ATP8B4: variants seen among roughly 807,000 people sequenced by gnomAD.
ATP8B4 encodes the protein ATPase phospholipid transporting 8B4 (putative).
Under a neutral mutation model 145.6 loss-of-function variants are expected in ATP8B4, and 133 were observed. The ratio of observed to expected loss-of-function variants is 0.91; its 90% confidence interval spans 0.79 to 1.05. The LOEUF (loss-of-function observed/expected upper bound fraction) is 1.05. Ranked by LOEUF, ATP8B4 falls within the 50% of genes least tolerant of loss-of-function variation. The pLI is 0.00. For synonymous variants in ATP8B4, 507 were observed against 492.9 expected, an observed-to-expected ratio of 1.03 and a Z score of -0.38; for missense variants, 1,458 against 1,425.2, an observed-to-expected ratio of 1.02 and a Z score of -0.37.
In ATP8B4 at chr15:49,934,059, G is replaced by A; in HGVS notation, c.1411C>T (p.Leu471Phe). 1.9e-6 allele frequency: 3 copies of A among 1,612,536 alleles called. No homozygotes were observed. The highest frequency in any genetic ancestry group is 2.5e-6 in the Non-Finnish European group (3 of 1,179,062). Residue 471 changes from leucine (L) to phenylalanine (F), a missense_variant, in exon 15 of 28, where the codon CTT becomes TTT. Leu to Phe is a conservative substitution (Grantham distance 22, BLOSUM62 0). Transcript: ENST00000284509. Reference protein sequence around the residue: ...DPKVHEFLRLLALCHTVMSEE... With the variant: ...DPKVHEFLRLFALCHTVMSEE... Reference sequence around the variant, plus strand: ...GACATTACAGTGTGGCAGAGAGCAAGTAACCTAAGGAATTCATGAACTTTG... The same window carrying A: ...GACATTACAGTGTGGCAGAGAGCAAATAACCTAAGGAATTCATGAACTTTG...
chr15:50,145,648 C>T (rs868383012), intron 1 of ATP8B4, among the ~76,000 whole-genome samples: 14 of 152,146 alleles, frequency 9.2e-5, no homozygotes, highest in South Asian at 2.1e-4. Flanking sequence ...ACTCTCTTCA[C>T]CGCCACTCTC....
intron 6 of ATP8B4, among the ~76,000 whole-genome samples, chr15:50,030,968 C>T (rs1224585842): frequency 6.6e-6 from 1 of 152,174 alleles, no homozygotes; most frequent in Non-Finnish European, 1.5e-5. Flanking sequence ...GAAACCAGCC[C>T]ATTGGCAAAG....
At chr15:49,980,353 T>C (rs924093491) in intron 11 of ATP8B4, among the ~76,000 whole-genome samples, 1 of 152,152 alleles carries the variant, frequency 6.6e-6, no homozygotes, top group Non-Finnish European at 1.5e-5. Context: ...ATAGGGTACA[T>C]GGGAAAACAT....
chr15:49,982,133 A>T (rs920026182), intron 10 of ATP8B4, among the ~76,000 whole-genome samples: 2 of 152,170 alleles, frequency 1.3e-5, no homozygotes, highest in Non-Finnish European at 2.9e-5. Context: ...GCCATTTAAT[A>T]TAGGAGAAAG....
intron 4 of ATP8B4, among the ~76,000 whole-genome samples, chr15:50,045,477 T>C (rs756033975): frequency 2.0e-5 from 3 of 152,122 alleles, no homozygotes; most frequent in Non-Finnish European, 4.4e-5. Context: ...TGGGATTCAT[T>C]TGAAAATCTG....
intron 15 of ATP8B4, among the ~76,000 whole-genome samples, chr15:49,932,321 C>T (rs1703863396): frequency 1.3e-5 from 2 of 151,770 alleles, no homozygotes; most frequent in African/African-American, 2.4e-5. Flanking sequence ...CAGTGGTTAC[C>T]TCTGTAGGGG....
chr15:50,029,645 C>T (rs79821124), intron 6 of ATP8B4, among the ~76,000 whole-genome samples: 5,467 of 152,150 alleles, frequency 0.036, 344 homozygotes, highest in African/African-American at 0.13. Context: ...ACTATTCAAC[C>T]ATGACAGTAG....
intron 20 of ATP8B4, chr15:49,902,166 G>T (rs917719235): frequency 8.3e-5 from 13 of 155,858 alleles, no homozygotes; most frequent in African/African-American, 3.1e-4. Flanking sequence ...CTTCAACCAC[G>T]ACCAGAGAAC....
At chr15:49,990,212 A>C (rs1025227814) in intron 9 of ATP8B4, among the ~76,000 whole-genome samples, 1 of 152,186 alleles carries the variant, frequency 6.6e-6, no homozygotes, top group Admixed American at 6.5e-5. Context: ...GCCATGAAGC[A>C]TAACAAGGAT....
At chr15:50,117,054 A>G (rs1595614631) in intron 1 of ATP8B4, among the ~76,000 whole-genome samples, 1 of 150,970 alleles carries the variant, frequency 6.6e-6, no homozygotes. Flanking sequence ...TTTTTTATTT[A>G]TTTATTTTTT....
At chr15:50,124,660 A>G (rs1322520572) in intron 1 of ATP8B4, among the ~76,000 whole-genome samples, 1 of 152,200 alleles carries the variant, frequency 6.6e-6, no homozygotes, top group Non-Finnish European at 1.5e-5. Context: ...ACCTCTGGGA[A>G]CCAGCTCCTG....
chr15:50,015,692 G>C (rs1479787459), intron 6 of ATP8B4, among the ~76,000 whole-genome samples: 1 of 152,144 alleles, frequency 6.6e-6, no homozygotes, highest in African/African-American at 2.4e-5. Flanking sequence ...TTCAATCCCA[G>C]TACCATCAGA....
intron 12 of ATP8B4, among the ~76,000 whole-genome samples, chr15:49,975,502 T>C (rs891765656): frequency 6.6e-6 from 1 of 152,162 alleles, no homozygotes; most frequent in Admixed American, 6.5e-5. Flanking sequence ...TAGGGAATAA[T>C]GACAAGAAAA....
chr15:49,920,345 A>C lies in ATP8B4; in HGVS notation c.1824T>G (p.Phe608Leu). Residue 608 changes from phenylalanine (F) to leucine (L), a missense_variant, in exon 18 of 28, where the codon TTT (phenylalanine) becomes TTG (leucine). Physicochemically the swap from Phe to Leu is conservative, Grantham distance 22 (BLOSUM62 0). Transcript: ENST00000284509. ...CTTCAAGCATCTTATGCCACTCTTT[A>C]AAGTACTTGTCATCCAGGTCTCTGT... ...IAYRDLDDKYFKEWHKMLEDA... is the reference protein window; with the variant it reads ...IAYRDLDDKYLKEWHKMLEDA... 6.2e-7 allele frequency: 1 copy of C among 1,614,208 alleles called. No individual in the cohort carries two copies. The highest frequency in any genetic ancestry group is 2.2e-5 in the East Asian group (1 of 44,892).
At chr15:49,991,991 G>A (rs1442084825) in intron 9 of ATP8B4, among the ~76,000 whole-genome samples, 1 of 152,110 alleles carries the variant, frequency 6.6e-6, no homozygotes, top group Admixed American at 6.6e-5. Flanking sequence ...TTTACAACCT[G>A]GGGTTTTGTG....
At chr15:50,002,095 G>A (rs190075345) in intron 8 of ATP8B4, 58 bp downstream of exon 8, 1 of 1,385,370 alleles carries the variant, frequency 7.2e-7, no homozygotes, top group Non-Finnish European at 1.0e-6. Flanking sequence ...TATCTCTAAA[G>A]ACATTACTTT....
At chr15:50,175,647 G>C (rs1294116979) in intron 1 of ATP8B4, among the ~76,000 whole-genome samples, 2 of 152,038 alleles carry the variant, frequency 1.3e-5, no homozygotes, top group African/African-American at 4.8e-5. Context: ...ACTTCAATGT[G>C]ATACCACCTC....
intron 14 of ATP8B4, among the ~76,000 whole-genome samples, chr15:49,942,473 A>C (rs1489491572): frequency 6.6e-6 from 1 of 152,122 alleles, no homozygotes; most frequent in African/African-American, 2.4e-5. Flanking sequence ...TCAAAAAAGA[A>C]GAAAAAAATA....
intron 1 of ATP8B4, among the ~76,000 whole-genome samples, chr15:50,151,255 G>T (rs943348895): frequency 6.6e-6 from 1 of 152,156 alleles, no homozygotes; most frequent in Admixed American, 6.5e-5. Context: ...AATAACAGGT[G>T]TATTATAGCT....
Sources: allele counts gnomAD v4.1 joint callset (sites outside exome capture counted in the v4.1 genomes callset), GRCh38; gene constraint gnomAD v4.1.1; transcripts MANE v1.5; gene names NCBI Gene and HGNC (gene_info 2026-07-23, HGNC 2026-07-21).